The following TXNDC17 variants were observed in gnomAD, a reference collection of about 807,000 sequenced individuals.
TXNDC17 encodes the protein thioredoxin domain containing 17.
In TXNDC17, 12 loss-of-function variants were observed where a neutral mutation model predicts 16.3. The ratio of observed to expected loss-of-function variants is 0.74; its 90% CI spans 0.47 to 1.19. TXNDC17 has a LOEUF of 1.19. Among genes scored for constraint, TXNDC17 ranks in the 50% most tolerant of loss-of-function variants. The probability of loss-of-function intolerance (pLI) is 0.00; values close to 1 mark genes in which losing one functional copy is unlikely to be tolerated. For synonymous variants in TXNDC17, 62 were observed against 55.0 expected (o/e 1.13, Z -0.56); for missense variants, 158 against 149.7 (o/e 1.06, Z -0.29).
In TXNDC17 at chr17:6,644,394, T is replaced by C. The variant is rs1207894241; in HGVS notation, c.*1375T>C. On this transcript the variant is annotated 3_prime_UTR_variant, in exon 4 of 4. Coordinates refer to ENST00000250101, the MANE Select transcript of TXNDC17 (RefSeq NM_032731.4). ...TAAAGGTAGATAGGAAGAGTTTTCA[T>C]TTTTTTTGTCTTCACTGTACAAAAG... 4 of 1,400,990 alleles carry C rather than the reference T, an allele frequency of 2.9e-6. No homozygotes were observed. Among genetic ancestry groups the C allele is most frequent in the Non-Finnish European group, 2.8e-6 (3 of 1,061,692 alleles). 86.8% of individuals were successfully genotyped at this position (1,400,990 alleles called of 1,614,324 possible). A position where few individuals can be genotyped will look rare whatever the true frequency, so the allele number is the denominator to read the frequency against.
At position 6,643,141 on chromosome 17, in the gene TXNDC17, AAT is replaced by A. The variant is rs770306629; in HGVS notation, c.*124_*125del. 71 of 774,154 alleles carry A rather than the reference AAT, an allele frequency of 9.2e-5. 1 individual carries two copies. The highest frequency in any genetic ancestry group is 1.5e-4 in the Non-Finnish European group (68 of 467,214). 48.0% of individuals were successfully genotyped at this position (774,154 alleles called of 1,614,324 possible). A position where few individuals can be genotyped will look rare whatever the true frequency, so the allele number is the denominator to read the frequency against. On this transcript the variant is annotated 3_prime_UTR_variant, in exon 4 of 4. Transcript: ENST00000250101. ...TAAAAAAACTGGCATGTGTCTAAAC[AAT>A]AGAGTGCTATTAAAATGCCCATGAA...
At chr17:6,642,125 G>GT (rs921611851) in intron 2 of TXNDC17, 124 bp from the exon 3 acceptor site, 6 of 725,136 alleles carry the variant, frequency 8.3e-6, no homozygotes, top group African/African-American at 5.4e-5. Context: ...AGTCCGCAAG[G>GT]TTTTTTAAGT....
intron 1 of TXNDC17, 83 bp from the exon 2 acceptor site, chr17:6,641,670 G>A (rs367659835): frequency 7.4e-7 from 1 of 1,342,340 alleles, no homozygotes; most frequent in African/African-American, 1.4e-5. Context: ...TACCAAGACT[G>A]GGGGAAGGGG....
chr17:6,642,360 C>G (rs1205398266), intron 3 of TXNDC17, 36 bp downstream of exon 3: 2 of 1,362,848 alleles, frequency 1.5e-6, no homozygotes, highest in Non-Finnish European at 2.1e-6. Context: ...CTGTAATTCA[C>G]TGTCAGAACT....
rs1269581136 is a variant in TXNDC17 at position 6,641,204 on chromosome 17, G to A, written c.122G>A (p.Ser41Asn). 3 of 1,613,498 alleles carry A rather than the reference G, an allele frequency of 1.9e-6. No homozygotes were observed. Among genetic ancestry groups the A allele is most frequent in the Non-Finnish European group, 2.5e-6 (3 of 1,180,030 alleles). ...FTGSKDAGGK[S>N]WCPDCVQAEP... is the part of the protein sequence containing the mutation. ...GGTTCTAAGGACGCCGGGGGGAAAAGCTGGTGCCCCGACTGCGTGCAGGGT... is the reference window on the plus strand; with the variant it reads ...GGTTCTAAGGACGCCGGGGGGAAAAACTGGTGCCCCGACTGCGTGCAGGGT... The change falls in exon 1 of 4, where the codon AGC (serine) becomes AAC (asparagine). Residue 41 changes from serine (S) to asparagine (N), a missense_variant. Physicochemically the swap from Ser to Asn is conservative, Grantham distance 46. Coordinates refer to ENST00000250101, the MANE Select transcript of TXNDC17 (RefSeq NM_032731.4).
chr17:6,643,134 T>C lies in TXNDC17; in HGVS notation c.*115T>C, dbSNP rs886245976. The C allele has an allele frequency of 1.0e-5, 9 of 890,306 alleles. No individual in the cohort carries two copies. In the African/African-American group the frequency reaches 1.2e-4, roughly 12 times the overall value. 55.2% of individuals were successfully genotyped at this position (890,306 alleles called of 1,614,324 possible). On this transcript the variant is annotated 3_prime_UTR_variant, in exon 4 of 4. Transcript: ENST00000250101. Reference sequence around the variant, plus strand: ...ATGATGTTAAAAAAACTGGCATGTGTCTAAACAATAGAGTGCTATTAAAAT... The same window carrying C: ...ATGATGTTAAAAAAACTGGCATGTGCCTAAACAATAGAGTGCTATTAAAAT...
chr17:6,641,395 A>G, intron 1 of TXNDC17, 168 bp downstream of exon 1: 2 of 1,007,594 alleles, frequency 2.0e-6, no homozygotes, highest in Non-Finnish European at 1.4e-6. Context: ...CCCTGCCAAG[A>G]GCGCTCTTCC....
At chr17:6,641,911 CT>C (rs1972683387) in intron 2 of TXNDC17, 77 bp downstream of exon 2, 1 of 1,296,028 alleles carries the variant, frequency 7.7e-7, no homozygotes, top group Non-Finnish European at 1.1e-6. Flanking sequence ...CAGGGACTTA[CT>C]TACCCAGTTT....
intron 1 of TXNDC17, 72 bp downstream of exon 1, chr17:6,641,299 G>C (rs1972657628): frequency 1.3e-6 from 2 of 1,584,508 alleles, no homozygotes; most frequent in Non-Finnish European, 1.7e-6. Flanking sequence ...CAGAAGGGGG[G>C]CTTAGCGGAG....
At chr17:6,641,953 C>T (rs992670667) in intron 2 of TXNDC17, 119 bp downstream of exon 2, 3 of 892,174 alleles carry the variant, frequency 3.4e-6, no homozygotes, top group Admixed American at 2.2e-5. Flanking sequence ...ACAAGTTAAA[C>T]AATTAGAAGC....
At chr17:6,641,421 C>T in intron 1 of TXNDC17, 194 bp downstream of exon 1, 3 of 779,946 alleles carry the variant, frequency 3.8e-6, no homozygotes, top group Middle Eastern at 3.8e-4. Context: ...CCACCTTACC[C>T]GGATGATCTT....
chr17:6,641,646 A>G (rs1972671304), intron 1 of TXNDC17, 107 bp from the exon 2 acceptor site: 3 of 1,066,112 alleles, frequency 2.8e-6, no homozygotes, highest in East Asian at 2.6e-5. Context: ...GCTGCAGGTT[A>G]AAGTCTGAGT....
rs1972727203 is a variant in TXNDC17 at position 6,643,741 on chromosome 17, A to C, written c.*722A>C. ...GGTTCTTAGAATAAAATGAGAATTC[A>C]AGGAAGCACTTAACATAGCACCTGG... On this transcript the variant is annotated 3_prime_UTR_variant, in exon 4 of 4. Coordinates refer to ENST00000250101, the MANE Select transcript of TXNDC17 (RefSeq NM_032731.4). 1 of 180,238 alleles carries C rather than the reference A, an allele frequency of 5.5e-6. No individual in the cohort carries two copies. The highest frequency in any genetic ancestry group is 6.2e-5 in the Admixed American group (1 of 16,108). The allele number at this position is 180,238 out of a possible 1,614,324, so 11.2% of individuals were successfully genotyped here.
At chr17:6,641,913 T>A in intron 2 of TXNDC17, 79 bp downstream of exon 2, 1 of 1,280,178 alleles carries the variant, frequency 7.8e-7, no homozygotes, top group South Asian at 1.2e-5. Flanking sequence ...GGGACTTACT[T>A]ACCCAGTTTG....
In TXNDC17 at chr17:6,644,356, G is replaced by A. The variant is rs1469495771; in HGVS notation, c.*1337G>A. On this transcript the variant is annotated 3_prime_UTR_variant, in exon 4 of 4. Coordinates refer to ENST00000250101, the MANE Select transcript of TXNDC17 (RefSeq NM_032731.4). ...ATGAAAAAGCACACTAAAGGTTCTA[G>A]GGGCTACCATAATAAAGGTAGATAG... The A allele has an allele frequency of 7.8e-7, 1 of 1,284,228 alleles. No individual in the cohort carries two copies. Among genetic ancestry groups the A allele is most frequent in the African/African-American group, 1.5e-5 (1 of 66,622 alleles). 79.6% of individuals were successfully genotyped at this position (1,284,228 alleles called of 1,614,324 possible).
At position 6,643,187 on chromosome 17, in the gene TXNDC17, T is replaced by A; in HGVS notation, c.*168T>A. On this transcript the variant is annotated 3_prime_UTR_variant, in exon 4 of 4. Transcript: ENST00000250101. ...CCATGAACCTTTAGTTTGCCTGTAA[T>A]ACATGGATATTTTTAAGATATAAAG... 1.8e-6 allele frequency: 1 copy of A among 560,674 alleles called. No homozygotes were observed. The highest frequency in any genetic ancestry group is 3.0e-5 in the East Asian group (1 of 33,628). The allele number at this position is 560,674 out of a possible 1,614,324, so 34.7% of individuals were successfully genotyped here.
Position 6,643,589 on chromosome 17 carries a change from T to C in TXNDC17, c.*570T>C, listed in dbSNP as rs1007989459. The C allele has an allele frequency of 6.5e-6, 1 of 153,072 alleles. No individual in the cohort carries two copies. Among genetic ancestry groups the C allele is most frequent in the South Asian group, 2.1e-4 (1 of 4,846 alleles). The allele number at this position is 153,072 out of a possible 1,614,324, so 9.5% of individuals were successfully genotyped here. On this transcript the variant is annotated 3_prime_UTR_variant, in exon 4 of 4. Coordinates refer to ENST00000250101, the MANE Select transcript of TXNDC17 (RefSeq NM_032731.4). ...TGGCGGAGAGCGGCCGGAAAGACTC[T>C]ATAACCCAGTTCTGGGAAGAACTCC... is the stretch of plus-strand genomic sequence containing the variant.
intron 2 of TXNDC17, 23 bp from the exon 3 acceptor site, chr17:6,642,226 G>T (rs376301642): frequency 1.3e-6 from 2 of 1,557,052 alleles, no homozygotes; most frequent in Admixed American, 1.8e-5. Flanking sequence ...TTTTTTTCAT[G>T]ATCACTTTTT....
Position 6,643,140 on chromosome 17 carries a change from C to A in TXNDC17, c.*121C>A. 1.3e-6 allele frequency: 1 copy of A among 772,042 alleles called. No homozygotes were observed. 47.8% of individuals were successfully genotyped at this position (772,042 alleles called of 1,614,324 possible). A position where few individuals can be genotyped will look rare whatever the true frequency, so the allele number is the denominator to read the frequency against. ...TTAAAAAAACTGGCATGTGTCTAAA[C>A]AATAGAGTGCTATTAAAATGCCCAT... On this transcript the variant is annotated 3_prime_UTR_variant, in exon 4 of 4. Coordinates refer to ENST00000250101, the MANE Select transcript of TXNDC17 (RefSeq NM_032731.4).
Sources: allele counts gnomAD v4.1 joint callset, GRCh38; gene constraint gnomAD v4.1.1; transcripts MANE v1.5; gene names NCBI Gene and HGNC (gene_info 2026-07-23, HGNC 2026-07-21).